Variants in NTNG1 observed in about 807,000 individuals in gnomAD.
NTNG1 encodes the protein netrin-G1.
In NTNG1, 16 loss-of-function variants were observed where a neutral mutation model predicts 54.0. The observed-to-expected ratio is 0.30, with a 90% confidence interval of 0.20 to 0.45. NTNG1 has a LOEUF of 0.45. NTNG1 is among the 20% of genes least tolerant of loss of function. The probability of loss-of-function intolerance (pLI) is 1.00; values close to 1 mark genes in which losing one functional copy is unlikely to be tolerated. For missense variants in NTNG1, 530 were observed against 678.7 expected, an observed-to-expected ratio of 0.78 and a Z score of 2.43; for synonymous variants, 255 against 263.1, an observed-to-expected ratio of 0.97 and a Z score of 0.30.
intron 2 of NTNG1, among the ~76,000 whole-genome samples, chr1:107,287,674 A>G (rs572249117): frequency 4.6e-5 from 7 of 152,150 alleles, no homozygotes; most frequent in Non-Finnish European, 1.0e-4. Flanking sequence ...AAGACTTTGA[A>G]TGTGAAGATA....
At chr1:107,174,848 A>T (rs1355552941) in intron 2 of NTNG1, among the ~76,000 whole-genome samples, 1 of 152,124 alleles carries the variant, frequency 6.6e-6, no homozygotes, top group African/African-American at 2.4e-5. Context: ...CCCAGAACTT[A>T]GTACCATCCC....
At chr1:107,280,592 A>C (rs1664784495) in intron 2 of NTNG1, among the ~76,000 whole-genome samples, 2 of 144,508 alleles carry the variant, frequency 1.4e-5, no homozygotes, top group African/African-American at 5.0e-5. Context: ...AGGTTTGGGA[A>C]GTTGGCATGG....
At chr1:107,379,413 G>C (rs1671506072) in intron 3 of NTNG1, among the ~76,000 whole-genome samples, 1 of 152,106 alleles carries the variant, frequency 6.6e-6, no homozygotes, top group African/African-American at 2.4e-5. Flanking sequence ...CTTCAGATTT[G>C]ATTCAAGCAC....
chr1:107,327,392 G>A (rs931576349), intron 3 of NTNG1, among the ~76,000 whole-genome samples: 2 of 152,108 alleles, frequency 1.3e-5, no homozygotes, highest in Admixed American at 6.6e-5. Flanking sequence ...TGGTTCAGGG[G>A]CCTTTCAGCA....
intron 2 of NTNG1, among the ~76,000 whole-genome samples, chr1:107,254,049 T>C (rs1662779785): frequency 6.6e-6 from 1 of 152,224 alleles, no homozygotes; most frequent in African/African-American, 2.4e-5. Flanking sequence ...TTCTTACATT[T>C]ACCTTGTGGA....
At chr1:107,258,705 T>C (rs6669983) in intron 2 of NTNG1, among the ~76,000 whole-genome samples, 147,391 of 152,306 alleles carry the variant, frequency 0.97, 71,475 homozygotes, top group Non-Finnish European at 1. Context: ...GAACTCAGGG[T>C]CCATCTCCAC....
At chr1:107,308,827 A>G (rs138505033) in intron 2 of NTNG1, among the ~76,000 whole-genome samples, 15 of 152,016 alleles carry the variant, frequency 9.9e-5, no homozygotes, top group Non-Finnish European at 2.1e-4. Flanking sequence ...TGTAATTCTC[A>G]TTGTTGAGAT....
chr1:107,468,991 G>T (rs1677790763), intron 7 of NTNG1, among the ~76,000 whole-genome samples: 1 of 151,412 alleles, frequency 6.6e-6, no homozygotes, highest in Non-Finnish European at 1.5e-5. Context: ...AGCTACTCAG[G>T]AGGCTGAAGC....
intron 7 of NTNG1, among the ~76,000 whole-genome samples, chr1:107,438,044 ATTC>A (rs1379046973): frequency 6.6e-6 from 1 of 152,206 alleles, no homozygotes; most frequent in African/African-American, 2.4e-5. Context: ...TATAAAATAA[ATTC>A]TTCATGATGA....
intron 2 of NTNG1, among the ~76,000 whole-genome samples, chr1:107,158,801 A>G (rs1441349720): frequency 6.6e-6 from 1 of 152,212 alleles, no homozygotes; most frequent in Non-Finnish European, 1.5e-5. Context: ...TGTAAGGAAT[A>G]TGAAGCCTGC....
intron 4 of NTNG1, among the ~76,000 whole-genome samples, chr1:107,402,609 C>T (rs568242895): frequency 2.6e-4 from 39 of 152,156 alleles, no homozygotes; most frequent in Non-Finnish European, 5.6e-4. Context: ...TCACAGCATA[C>T]ATCTTTGAAG....
chr1:107,357,492 A>G (rs1359393870), intron 3 of NTNG1, among the ~76,000 whole-genome samples: 1 of 152,158 alleles, frequency 6.6e-6, no homozygotes, highest in Non-Finnish European at 1.5e-5. Context: ...AATTTTAACT[A>G]CTTCATTTCT....
intron 5 of NTNG1, among the ~76,000 whole-genome samples, chr1:107,426,294 A>C (rs778444814): frequency 2.6e-5 from 4 of 151,992 alleles, no homozygotes; most frequent in Non-Finnish European, 5.9e-5. Context: ...CAGGATTTCT[A>C]TGGTTTCAGG....
chr1:107,207,815 T>A (rs1168935357), intron 2 of NTNG1, among the ~76,000 whole-genome samples: 1 of 152,192 alleles, frequency 6.6e-6, no homozygotes. Flanking sequence ...ATTTTAGGAT[T>A]TCTGGCCTAA....
At chr1:107,294,138 C>T (rs948356329) in intron 2 of NTNG1, among the ~76,000 whole-genome samples, 1 of 152,166 alleles carries the variant, frequency 6.6e-6, no homozygotes, top group Non-Finnish European at 1.5e-5. Context: ...GTTGGCAGAG[C>T]AGTGGTTCTT....
chr1:107,182,152 A>C (rs908456965), intron 2 of NTNG1, among the ~76,000 whole-genome samples: 22 of 152,208 alleles, frequency 1.4e-4, no homozygotes, highest in African/African-American at 5.3e-4. Flanking sequence ...ATTTGAATGC[A>C]TAAATGTATT....
intron 3 of NTNG1, among the ~76,000 whole-genome samples, chr1:107,375,536 G>C (rs1671176700): frequency 6.6e-6 from 1 of 152,162 alleles, no homozygotes; most frequent in Admixed American, 6.5e-5. Flanking sequence ...ATGATCTACA[G>C]GGTACTATTG....
At chr1:107,469,747 C>G (rs886805725) in intron 7 of NTNG1, among the ~76,000 whole-genome samples, 1 of 152,196 alleles carries the variant, frequency 6.6e-6, no homozygotes, top group Non-Finnish European at 1.5e-5. Context: ...AGCCACCACG[C>G]CTAGCTTATT....
chr1:107,234,931 C>G (rs543923729), intron 2 of NTNG1, among the ~76,000 whole-genome samples: 4 of 152,330 alleles, frequency 2.6e-5, no homozygotes, highest in African/African-American at 9.6e-5. Context: ...AGCAGAGTAT[C>G]ATGCATAAGC....
Sources: allele counts gnomAD v4.1 joint callset (sites outside exome capture counted in the v4.1 genomes callset), GRCh38; gene constraint gnomAD v4.1.1; transcripts MANE v1.5; gene names NCBI Gene and HGNC (gene_info 2026-07-23, HGNC 2026-07-21).